The following AVEN variants were observed in gnomAD, a reference collection of about 807,000 sequenced individuals.
AVEN encodes the protein apoptosis and caspase activation inhibitor, also known as cell death regulator Aven.
AVEN carries 41 observed loss-of-function variants against 38.1 expected under a neutral mutation model. The observed-to-expected ratio is 1.08, with a 90% CI of 0.84 to 1.40. The LOEUF (loss-of-function observed/expected upper bound fraction) is 1.40. Ranked by LOEUF, AVEN falls within the 40% of genes most tolerant of loss-of-function variation. AVEN has a pLI of 0.00. For missense variants in AVEN, 605 were observed against 438.8 expected (o/e 1.38, Z -3.38); for synonymous variants, 206 against 171.8 (o/e 1.20, Z -1.56).
At chr15:34,049,952 A>G (rs1331943433) in intron 5 of AVEN, among the ~76,000 whole-genome samples, 1 of 151,488 alleles carries the variant, frequency 6.6e-6, no homozygotes, top group Non-Finnish European at 1.5e-5. Context: ...CAGTGGCACA[A>G]TCTCAGCTCA....
At chr15:33,952,724 G>C (rs1232631575) in intron 2 of AVEN, among the ~76,000 whole-genome samples, 1 of 152,046 alleles carries the variant, frequency 6.6e-6, no homozygotes, top group East Asian at 1.9e-4. Flanking sequence ...GAGGAAAACA[G>C]CATGGACAAG....
intron 2 of AVEN, among the ~76,000 whole-genome samples, chr15:33,891,202 T>C (rs902378436): frequency 5.9e-5 from 9 of 151,762 alleles, no homozygotes; most frequent in Non-Finnish European, 1.3e-4. Context: ...CCCACAGAAA[T>C]TTTGTTTTAT....
At position 34,028,463 on chromosome 15, in the gene AVEN, G is replaced by A. The variant is rs79327089; in HGVS notation, c.267+10317C>T. ...TCTATTTGGTCCCCATATTCAGAAG[G>A]CTGAGGTGGGAGGATCACTTAAGCC... On this transcript the variant is annotated intron_variant, in intron 1 of 5. Coordinates refer to ENST00000306730, the MANE Select transcript of AVEN (RefSeq NM_020371.3). 3.2e-3 allele frequency among the ~76,000 whole-genome samples: 494 copies of A among 152,226 alleles called. 11 individuals carry two copies. Among genetic ancestry groups the A allele is most frequent in the Admixed American group, 0.026 (392 of 15,288 alleles).
intron 2 of AVEN, among the ~76,000 whole-genome samples, chr15:33,903,555 A>G (rs1597213764): frequency 1.3e-5 from 2 of 152,198 alleles, no homozygotes; most frequent in East Asian, 3.8e-4. Flanking sequence ...CTAATTTTAC[A>G]TGCTTTGGCA....
chr15:33,891,813 C>T (rs1444525096), intron 2 of AVEN, among the ~76,000 whole-genome samples: 3 of 152,192 alleles, frequency 2.0e-5, no homozygotes, highest in African/African-American at 4.8e-5. Flanking sequence ...ACACTGTCTT[C>T]CACAATGGTG....
chr15:33,947,993 AACAC>A (rs1299252435), intron 2 of AVEN, among the ~76,000 whole-genome samples: 1 of 152,232 alleles, frequency 6.6e-6, no homozygotes, highest in Non-Finnish European at 1.5e-5. Context: ...TGTAAGTGTA[AACAC>A]ACTCAAGTAT....
At chr15:33,857,780 T>G, downstream of AVEN, 2 of 1,613,988 alleles carry the variant, frequency 1.2e-6, no homozygotes, top group Non-Finnish European at 1.7e-6. Context: ...TCATTCCCAG[T>G]TGGTTCTGAC....
intron 2 of AVEN, among the ~76,000 whole-genome samples, chr15:34,069,033 G>A (rs547388518): frequency 3.3e-5 from 5 of 151,654 alleles, no homozygotes; most frequent in African/African-American, 7.3e-5. Flanking sequence ...GGATGGTCTC[G>A]ATCTCCTGAC....
intron 2 of AVEN, among the ~76,000 whole-genome samples, chr15:33,989,659 G>A (rs976734839): frequency 6.6e-5 from 10 of 151,844 alleles, no homozygotes; most frequent in Admixed American, 1.3e-4. Flanking sequence ...TATTTTAGAA[G>A]AGCTTCTACC....
intron 1 of AVEN, among the ~76,000 whole-genome samples, chr15:34,030,654 A>G (rs1898744890): frequency 6.6e-6 from 1 of 151,458 alleles, no homozygotes; most frequent in Non-Finnish European, 1.5e-5. Context: ...GTTGAGAAAG[A>G]GTCTCGGGCT....
At chr15:33,925,997 T>C (rs1375887141) in intron 2 of AVEN, among the ~76,000 whole-genome samples, 1 of 152,176 alleles carries the variant, frequency 6.6e-6, no homozygotes, top group Admixed American at 6.5e-5. Flanking sequence ...GAAGCAACCA[T>C]GTATGTGCTG....
chr15:33,925,722 AT>A (rs1339060514), intron 2 of AVEN, among the ~76,000 whole-genome samples: 3 of 152,236 alleles, frequency 2.0e-5, no homozygotes, highest in Non-Finnish European at 4.4e-5. Flanking sequence ...GTTAATTTAT[AT>A]GCTGATACTC....
chr15:34,042,389 G>A (rs995818340), upstream of AVEN, among the ~76,000 whole-genome samples: 1 of 149,968 alleles, frequency 6.7e-6, no homozygotes, highest in Non-Finnish European at 1.5e-5. Flanking sequence ...ATACATACAT[G>A]ACCTAAGTTT....
At chr15:33,882,598 G>A (rs1007548261) in intron 2 of AVEN, among the ~76,000 whole-genome samples, 1 of 151,906 alleles carries the variant, frequency 6.6e-6, no homozygotes, top group Non-Finnish European at 1.5e-5. Flanking sequence ...GGTGTACAGT[G>A]GCTTACGCCT....
intron 5 of AVEN, among the ~76,000 whole-genome samples, chr15:34,060,814 G>A (rs975604834): frequency 6.6e-6 from 1 of 152,146 alleles, no homozygotes; most frequent in African/African-American, 2.4e-5. Flanking sequence ...AGGTTGCAGT[G>A]AGCCGAGATG....
intron 2 of AVEN, among the ~76,000 whole-genome samples, chr15:33,960,794 G>A (rs888567346): frequency 2.0e-5 from 3 of 151,986 alleles, no homozygotes; most frequent in African/African-American, 4.8e-5. Context: ...TGTCTTCCGC[G>A]GTCCATTCAG....
intron 1 of AVEN, among the ~76,000 whole-genome samples, chr15:34,018,843 A>G (rs928514663): frequency 9.3e-5 from 13 of 139,724 alleles, no homozygotes; most frequent in African/African-American, 3.4e-4. Flanking sequence ...TGATTGGTGC[A>G]TTTTTACAGA....
chr15:33,901,696 C>T (rs116636136), intron 2 of AVEN, among the ~76,000 whole-genome samples: 585 of 152,304 alleles, frequency 3.8e-3, no homozygotes, highest in African/African-American at 0.014. Flanking sequence ...TTTTTTATAA[C>T]AGCCATCCTA....
At chr15:33,984,790 T>C (rs1896350352) in intron 2 of AVEN, among the ~76,000 whole-genome samples, 1 of 152,100 alleles carries the variant, frequency 6.6e-6, no homozygotes, top group Non-Finnish European at 1.5e-5. Context: ...AGACAAACGT[T>C]AGTAGCAAAC....
Sources: allele counts gnomAD v4.1 joint callset (sites outside exome capture counted in the v4.1 genomes callset), GRCh38; gene constraint gnomAD v4.1.1; transcripts MANE v1.5; gene names NCBI Gene and HGNC (gene_info 2026-07-23, HGNC 2026-07-21).